The following SLC44A5 variants were observed in gnomAD, a reference collection of about 807,000 sequenced individuals.
SLC44A5 encodes the protein solute carrier family 44 member 5.
A neutral mutation model predicts 101.8 loss-of-function variants in SLC44A5; 57 were observed. That is an observed-to-expected ratio of 0.56 (90% CI 0.45 to 0.70). The LOEUF (loss-of-function observed/expected upper bound fraction) is 0.70, where lower values mean the gene tolerates loss of function less well. Ranked by LOEUF, SLC44A5 falls within the 30% of genes least tolerant of loss-of-function variation. SLC44A5 has a pLI of 0.00. For missense variants in SLC44A5, 737 were observed against 853.1 expected, an observed-to-expected ratio of 0.86 and a Z score of 1.70; for synonymous variants, 281 against 290.9, an observed-to-expected ratio of 0.97 and a Z score of 0.35.
chr1:75,206,004 G>A (rs910909215), intron 23 of SLC44A5: 3 of 152,108 alleles, frequency 2.0e-5, no homozygotes, highest in Non-Finnish European at 2.9e-5. Flanking sequence ...AGGTTCCATA[G>A]TATTTTTTAC....
At chr1:75,653,631 A>AG in the SLC44A5 span, among the ~76,000 whole-genome samples, 62 of 152,350 alleles carry the variant, frequency 4.1e-4, no homozygotes, top group East Asian at 0.01. Flanking sequence ...ACACTGATTT[A>AG]ACCACTATTT....
chr1:75,268,563 C>T (rs1651198689), intron 6 of SLC44A5, among the ~76,000 whole-genome samples: 1 of 152,056 alleles, frequency 6.6e-6, no homozygotes, highest in Non-Finnish European at 1.5e-5. Context: ...ATAATAGGGG[C>T]TCAGAAATAT....
the SLC44A5 span, among the ~76,000 whole-genome samples, chr1:75,712,103 C>G: frequency 6.6e-6 from 1 of 152,164 alleles, no homozygotes; most frequent in Non-Finnish European, 1.5e-5. Flanking sequence ...TTTCCAAGAC[C>G]TAGGAAATCC....
the SLC44A5 span, among the ~76,000 whole-genome samples, chr1:75,616,149 G>C: frequency 6.6e-6 from 1 of 151,914 alleles, no homozygotes; most frequent in Admixed American, 6.5e-5. Context: ...CGGCGGCGGC[G>C]GCTGCTGTGC....
At chr1:75,661,415 A>AAAAAC in the SLC44A5 span, among the ~76,000 whole-genome samples, 1 of 117,526 alleles carries the variant, frequency 8.5e-6, no homozygotes, top group African/African-American at 3.0e-5. Flanking sequence ...AAAAAAAAAA[A>AAAAAC]CACCATGGAA....
the SLC44A5 span, among the ~76,000 whole-genome samples, chr1:75,661,850 A>G: frequency 6.6e-6 from 1 of 152,102 alleles, no homozygotes; most frequent in Admixed American, 6.5e-5. Flanking sequence ...AAAATAACAG[A>G]TGATGGTAAG....
chr1:75,436,468 A>C (rs185148226), intron 2 of SLC44A5, among the ~76,000 whole-genome samples: 2 of 152,300 alleles, frequency 1.3e-5, no homozygotes, highest in East Asian at 3.9e-4. Flanking sequence ...CAGTAAAAAT[A>C]CACTATAAAA....
chr1:75,513,661 A>G (rs1171224334), intron 2 of SLC44A5, among the ~76,000 whole-genome samples: 1 of 152,214 alleles, frequency 6.6e-6, no homozygotes, highest in Non-Finnish European at 1.5e-5. Flanking sequence ...AATGAATGCT[A>G]TGCACCAATC....
intron 1 of SLC44A5, among the ~76,000 whole-genome samples, chr1:75,556,900 CA>C (rs1159896841): frequency 1.3e-5 from 2 of 151,932 alleles, no homozygotes; most frequent in Non-Finnish European, 2.9e-5. Context: ...GTGATGAGTA[CA>C]CTAATAGCCA....
At chr1:75,495,429 C>A (rs149304038) in intron 2 of SLC44A5, among the ~76,000 whole-genome samples, 1 of 151,412 alleles carries the variant, frequency 6.6e-6, no homozygotes, top group African/African-American at 2.4e-5. Context: ...CACTCCAGCC[C>A]GGGTGACAGA....
At chr1:75,362,296 C>A (rs1202635552) in intron 3 of SLC44A5, among the ~76,000 whole-genome samples, 1 of 151,420 alleles carries the variant, frequency 6.6e-6, no homozygotes. Context: ...TTTATTTATG[C>A]TGTGATCTTC....
At chr1:75,247,965 G>T (rs568095965) in intron 7 of SLC44A5, among the ~76,000 whole-genome samples, 126 of 152,014 alleles carry the variant, frequency 8.3e-4, no homozygotes, top group Non-Finnish European at 1.4e-3. Flanking sequence ...GCTGGAGGGG[G>T]ATGTGGGATC....
the SLC44A5 span, among the ~76,000 whole-genome samples, chr1:75,711,551 A>C: frequency 6.6e-6 from 1 of 152,252 alleles, no homozygotes; most frequent in Non-Finnish European, 1.5e-5. Context: ...GCTCATGGCT[A>C]ATAAATAGGT....
At chr1:75,684,440 C>G in the SLC44A5 span, among the ~76,000 whole-genome samples, 1 of 152,076 alleles carries the variant, frequency 6.6e-6, no homozygotes. Context: ...AAGGCAAGTT[C>G]CTTATACCTA....
At chr1:75,387,252 C>G (rs1276090000) in intron 3 of SLC44A5, among the ~76,000 whole-genome samples, 3 of 151,878 alleles carry the variant, frequency 2.0e-5, no homozygotes, top group Admixed American at 6.6e-5. Context: ...GCAAAAGAAA[C>G]TACCATCAGA....
At chr1:75,333,974 T>A (rs1372744740) in intron 4 of SLC44A5, among the ~76,000 whole-genome samples, 1 of 152,188 alleles carries the variant, frequency 6.6e-6, no homozygotes, top group African/African-American at 2.4e-5. Context: ...TTTGTTATCT[T>A]CTGCCTGAAT....
At chr1:75,682,988 A>G in the SLC44A5 span, among the ~76,000 whole-genome samples, 1 of 152,276 alleles carries the variant, frequency 6.6e-6, no homozygotes, top group African/African-American at 2.4e-5. Context: ...TTATGCAGCC[A>G]AAAAACACAT....
chr1:75,245,723 G>C (rs184481512), intron 7 of SLC44A5, among the ~76,000 whole-genome samples: 5 of 152,166 alleles, frequency 3.3e-5, no homozygotes, highest in Admixed American at 2.6e-4. Flanking sequence ...ATAGTAAAAC[G>C]TAGTTTGTTA....
At chr1:75,457,260 A>C (rs1054755982) in intron 2 of SLC44A5, among the ~76,000 whole-genome samples, 1 of 152,220 alleles carries the variant, frequency 6.6e-6, no homozygotes, top group Non-Finnish European at 1.5e-5. Flanking sequence ...AGTGATAGAC[A>C]CCAGAAGTCC....
Sources: gnomAD v4.1 joint callset for allele counts (sites outside exome capture counted in the v4.1 genomes callset) on GRCh38, gnomAD v4.1.1 for gene constraint, MANE v1.5 for transcripts, NCBI Gene and HGNC (gene_info 2026-07-23, HGNC 2026-07-21) for gene names.